The following SYN3 variants were observed in gnomAD, a reference collection of about 807,000 sequenced individuals.
SYN3 encodes the protein synapsin III.
In SYN3, 35 loss-of-function variants were observed where a neutral mutation model predicts 65.8. That is an observed-to-expected ratio of 0.53 (90% CI 0.41 to 0.70). The LOEUF is 0.70. Ranked by LOEUF, SYN3 falls within the 30% of genes least tolerant of loss-of-function variation. The pLI is 0.00. For synonymous variants in SYN3, 270 were observed against 292.9 expected (o/e 0.92, Z 0.80); for missense variants, 680 against 749.0 (o/e 0.91, Z 1.08).
At chr22:33,000,213 C>T (rs2053017511) in intron 2 of SYN3, among the ~76,000 whole-genome samples, 1 of 152,074 alleles carries the variant, frequency 6.6e-6, no homozygotes, top group South Asian at 2.1e-4. Context: ...TAAAAACAAA[C>T]AAACTGCTGA....
At chr22:32,924,226 T>C (rs988026919) in intron 4 of SYN3, among the ~76,000 whole-genome samples, 8 of 152,214 alleles carry the variant, frequency 5.3e-5, no homozygotes, top group Non-Finnish European at 1.2e-4. Flanking sequence ...CTGGATCAAA[T>C]GGTACTTTGG....
intron 6 of SYN3, among the ~76,000 whole-genome samples, chr22:32,844,219 G>A (rs938082939): frequency 2.0e-5 from 3 of 151,858 alleles, no homozygotes; most frequent in African/African-American, 7.3e-5. Context: ...GATAGAAGCA[G>A]AGAGAGAGAG....
intron 4 of SYN3, among the ~76,000 whole-genome samples, chr22:32,889,887 A>G (rs1363976081): frequency 6.6e-6 from 1 of 151,950 alleles, no homozygotes; most frequent in Non-Finnish European, 1.5e-5. Context: ...AAGGCTTTGA[A>G]TGTATAAAGG....
At chr22:32,521,229 G>T (rs1360350077) in intron 12 of SYN3, among the ~76,000 whole-genome samples, 1 of 152,136 alleles carries the variant, frequency 6.6e-6, no homozygotes, top group Non-Finnish European at 1.5e-5. Context: ...CAAGCATAAA[G>T]AACATAGCAA....
chr22:32,992,641 C>T (rs1000414627), intron 2 of SYN3, among the ~76,000 whole-genome samples: 17 of 152,060 alleles, frequency 1.1e-4, no homozygotes, highest in East Asian at 1.9e-4. Context: ...AGTGGAACCC[C>T]GTCCCTACTA....
intron 6 of SYN3, among the ~76,000 whole-genome samples, chr22:32,770,575 A>G (rs2145771100): frequency 6.6e-6 from 1 of 152,276 alleles, no homozygotes; most frequent in South Asian, 2.1e-4. Flanking sequence ...CTCTTCTCCC[A>G]GAAACCCACA....
intron 6 of SYN3, among the ~76,000 whole-genome samples, chr22:32,612,690 A>G (rs1316876031): frequency 6.6e-6 from 1 of 152,044 alleles, no homozygotes; most frequent in East Asian, 1.9e-4. Context: ...AAAGAAAAAA[A>G]AATTAGCCAG....
At chr22:32,770,366 A>G (rs1157399567) in intron 6 of SYN3, among the ~76,000 whole-genome samples, 1 of 151,896 alleles carries the variant, frequency 6.6e-6, no homozygotes, top group Admixed American at 6.6e-5. Context: ...ATGACTTCCC[A>G]TCTCCCACTG....
intron 1 of SYN3, among the ~76,000 whole-genome samples, chr22:33,028,667 GTGGTGGTGGTGGTGGTGGTGGTGA>G (rs1386640777): frequency 0.011 from 1,479 of 130,462 alleles, 22 homozygotes; most frequent in Middle Eastern, 0.033. Context: ...GGTGGTGGTG[GTGGTGGTGGTGGTGGTGGTGGTGA>G]TGGTGGTGGT....
intron 12 of SYN3, among the ~76,000 whole-genome samples, chr22:32,527,072 C>T (rs2057990611): frequency 6.6e-6 from 1 of 152,176 alleles, no homozygotes; most frequent in Non-Finnish European, 1.5e-5. Context: ...ATAGTTTGTC[C>T]ATTCTCTAAT....
At chr22:32,529,773 C>T (rs767177174) in intron 10 of SYN3, among the ~76,000 whole-genome samples, 7 of 152,212 alleles carry the variant, frequency 4.6e-5, no homozygotes, top group Non-Finnish European at 7.3e-5. Context: ...CAGCTGGCCG[C>T]GTCACCCTCT....
chr22:32,889,196 G>C (rs899191044), intron 4 of SYN3, among the ~76,000 whole-genome samples: 14 of 152,190 alleles, frequency 9.2e-5, no homozygotes, highest in African/African-American at 3.4e-4. Flanking sequence ...GGAGTGTAGG[G>C]ATCTTGGAAT....
intron 4 of SYN3, among the ~76,000 whole-genome samples, chr22:32,879,235 T>C (rs1399502359): frequency 6.6e-6 from 1 of 152,230 alleles, no homozygotes; most frequent in African/African-American, 2.4e-5. Flanking sequence ...GTTTCATGGA[T>C]CTGCCAAGAC....
At position 33,047,427 on chromosome 22, in the gene SYN3, C is replaced by T. The variant is rs111811480; in HGVS notation, c.-163+10865G>A. The stretch of plus-strand genomic sequence containing the variant: ...ACTCAAAAATTTCTTTGTATCACCC[C>T]TCAAATCACCTGCCTACGTGGCCCC... On this transcript the variant is annotated intron_variant, in intron 1 of 13. Coordinates refer to ENST00000358763, the MANE Select transcript of SYN3 (RefSeq NM_003490.4). Among the ~76,000 whole-genome samples the T allele has an allele frequency of 6.0e-4, 92 of 152,292 alleles. 1 individual carries two copies. In the Middle Eastern group the frequency reaches 0.014, roughly 23 times the overall value.
At chr22:32,695,727 A>G (rs2060727083) in intron 6 of SYN3, among the ~76,000 whole-genome samples, 1 of 152,176 alleles carries the variant, frequency 6.6e-6, no homozygotes, top group African/African-American at 2.4e-5. Flanking sequence ...ACTACTGGCT[A>G]TCCACATAGT....
chr22:32,997,994 T>C (rs937371614), intron 2 of SYN3, among the ~76,000 whole-genome samples: 2 of 141,340 alleles, frequency 1.4e-5, no homozygotes, highest in South Asian at 4.5e-4. Flanking sequence ...ACCACTGCAC[T>C]CCAGCCTGGG....
intron 6 of SYN3, among the ~76,000 whole-genome samples, chr22:32,604,513 C>G (rs192053146): frequency 1.5e-3 from 163 of 111,158 alleles, no homozygotes; most frequent in Non-Finnish European, 1.3e-3. Flanking sequence ...AGGCCAATCC[C>G]GTCTCATACT....
intron 6 of SYN3, among the ~76,000 whole-genome samples, chr22:32,765,511 G>A (rs1462695474): frequency 1.3e-5 from 2 of 152,164 alleles, no homozygotes; most frequent in Non-Finnish European, 2.9e-5. Context: ...ACAGGAAAGT[G>A]GAGGACAACT....
chr22:32,717,871 A>G (rs2061060045), intron 6 of SYN3, among the ~76,000 whole-genome samples: 1 of 152,214 alleles, frequency 6.6e-6, no homozygotes, highest in African/African-American at 2.4e-5. Context: ...GAGGCCTGGT[A>G]TGGCCTCACC....
Sources: gnomAD v4.1 joint callset for allele counts (sites outside exome capture counted in the v4.1 genomes callset) on GRCh38, gnomAD v4.1.1 for gene constraint, MANE v1.5 for transcripts, NCBI Gene and HGNC (gene_info 2026-07-23, HGNC 2026-07-21) for gene names.